Variants in SLC9A9 observed in about 807,000 individuals in gnomAD.
The protein encoded by SLC9A9 is sodium/hydrogen exchanger 9.
In SLC9A9, 62 loss-of-function variants were observed where a neutral mutation model predicts 77.8. The observed-to-expected ratio is 0.80, with a 90% CI of 0.65 to 0.98. The LOEUF (loss-of-function observed/expected upper bound fraction) is 0.98. Among genes scored for constraint, SLC9A9 ranks in the 50% least tolerant of loss-of-function variants. The pLI, the probability that SLC9A9 is intolerant of heterozygous loss-of-function variation, is 0.00. For missense variants in SLC9A9, 775 were observed against 774.9 expected, an observed-to-expected ratio of 1.00 and a Z score of 0.00; for synonymous variants, 320 against 283.5, an observed-to-expected ratio of 1.13 and a Z score of -1.29.
chr3:143,445,925 C>G (rs1576501554), intron 12 of SLC9A9, among the ~76,000 whole-genome samples: 1 of 152,032 alleles, frequency 6.6e-6, no homozygotes, highest in Non-Finnish European at 1.5e-5. Context: ...CTAACAAGAA[C>G]AGCTTTGGTA....
At chr3:143,293,382 C>A (rs538276899) in intron 14 of SLC9A9, among the ~76,000 whole-genome samples, 1 of 152,136 alleles carries the variant, frequency 6.6e-6, no homozygotes, top group Non-Finnish European at 1.5e-5. Flanking sequence ...ATATTGTGTA[C>A]ATAAAGTTAG....
intron 5 of SLC9A9, among the ~76,000 whole-genome samples, chr3:143,665,596 TA>T (rs1471764477): frequency 6.6e-6 from 1 of 151,430 alleles, no homozygotes; most frequent in Non-Finnish European, 1.5e-5. Flanking sequence ...GCAAGACTAA[TA>T]AAGAAGAAAA....
At chr3:143,606,250 C>G (rs2037919565) in intron 6 of SLC9A9, among the ~76,000 whole-genome samples, 2 of 151,696 alleles carry the variant, frequency 1.3e-5, no homozygotes, top group Non-Finnish European at 2.9e-5. Flanking sequence ...ACTAAAAATA[C>G]AAAAATTAGC....
intron 12 of SLC9A9, among the ~76,000 whole-genome samples, chr3:143,429,112 G>C (rs1378932974): frequency 6.6e-6 from 1 of 152,172 alleles, no homozygotes; most frequent in South Asian, 2.1e-4. Flanking sequence ...ATTTGATCAC[G>C]ATACTATGTA....
chr3:143,516,356 T>G (rs1225021192), intron 9 of SLC9A9, among the ~76,000 whole-genome samples: 1 of 152,172 alleles, frequency 6.6e-6, no homozygotes, highest in Admixed American at 6.5e-5. Flanking sequence ...ATTTCAGCTT[T>G]TATCTTTATT....
intron 14 of SLC9A9, among the ~76,000 whole-genome samples, chr3:143,315,490 T>C (rs2031181181): frequency 6.6e-6 from 1 of 152,210 alleles, no homozygotes; most frequent in East Asian, 1.9e-4. Flanking sequence ...GGCCTACTTA[T>C]TTTTCCACTT....
chr3:143,374,177 G>A (rs1468003801), intron 13 of SLC9A9, among the ~76,000 whole-genome samples: 5 of 152,190 alleles, frequency 3.3e-5, no homozygotes, highest in African/African-American at 9.6e-5. Context: ...TCTAATCCCA[G>A]CACTTTGGGA....
intron 9 of SLC9A9, among the ~76,000 whole-genome samples, chr3:143,540,139 T>C (rs944501727): frequency 4.6e-5 from 7 of 152,216 alleles, no homozygotes; most frequent in Non-Finnish European, 1.0e-4. Flanking sequence ...ACATTGCCTA[T>C]TGGGTAGAGA....
At chr3:143,510,779 C>A (rs763218479) in intron 9 of SLC9A9, among the ~76,000 whole-genome samples, 2 of 152,046 alleles carry the variant, frequency 1.3e-5, no homozygotes, top group African/African-American at 4.8e-5. Context: ...GCTGTTTTGG[C>A]CTGTGAGTCA....
At chr3:143,391,384 G>A (rs970908468) in intron 12 of SLC9A9, among the ~76,000 whole-genome samples, 1 of 152,256 alleles carries the variant, frequency 6.6e-6, no homozygotes, top group Admixed American at 6.5e-5. Flanking sequence ...ACCTGCAGCT[G>A]AGGGTCCTGA....
chr3:143,740,145 A>G (rs1935041558), intron 4 of SLC9A9, among the ~76,000 whole-genome samples: 1 of 152,204 alleles, frequency 6.6e-6, no homozygotes, highest in Admixed American at 6.5e-5. Context: ...CTTGGTGAGA[A>G]GTAGCAAAGT....
intron 9 of SLC9A9, chr3:143,503,881 G>T (rs1055437117): frequency 2.7e-6 from 1 of 365,524 alleles, no homozygotes; most frequent in Non-Finnish European, 5.3e-6. Context: ...CATCCATCAT[G>T]AACATGGGGG....
At chr3:143,290,199 G>C (rs115797508) in intron 14 of SLC9A9, among the ~76,000 whole-genome samples, 2 of 152,134 alleles carry the variant, frequency 1.3e-5, no homozygotes, top group Non-Finnish European at 2.9e-5. Context: ...GGGGGCACCT[G>C]TACATACTGT....
At chr3:143,517,899 T>A in intron 9 of SLC9A9, 1 of 1,532,514 alleles carries the variant, frequency 6.5e-7, no homozygotes, top group Non-Finnish European at 9.0e-7. Flanking sequence ...GCCTGATCCA[T>A]CATCTCCTCC....
At chr3:143,575,257 CA>C in intron 7 of SLC9A9, among the ~76,000 whole-genome samples, 1 of 152,140 alleles carries the variant, frequency 6.6e-6, no homozygotes, top group Non-Finnish European at 1.5e-5. Flanking sequence ...TTAGAAAGCA[CA>C]AAGGCAGAAT....
At chr3:143,639,322 T>C (rs1217392201) in intron 6 of SLC9A9, among the ~76,000 whole-genome samples, 1 of 152,212 alleles carries the variant, frequency 6.6e-6, no homozygotes, top group Non-Finnish European at 1.5e-5. Context: ...AAGTCAAGAT[T>C]GGTTCTTCTC....
At chr3:143,839,523 CACACAT>C (rs1457803086) in intron 1 of SLC9A9, among the ~76,000 whole-genome samples, 3 of 111,102 alleles carry the variant, frequency 2.7e-5, no homozygotes, top group African/African-American at 6.1e-5. Flanking sequence ...CACACACACA[CACACAT>C]CACAAGCGCA....
intron 2 of SLC9A9, among the ~76,000 whole-genome samples, chr3:143,803,268 G>A (rs2008617490): frequency 6.6e-6 from 1 of 152,170 alleles, no homozygotes; most frequent in Non-Finnish European, 1.5e-5. Flanking sequence ...TTGCATTTCT[G>A]AAGAACAGTA....
At chr3:143,757,885 G>A (rs572801265) in intron 4 of SLC9A9, among the ~76,000 whole-genome samples, 2 of 152,244 alleles carry the variant, frequency 1.3e-5, no homozygotes, top group African/African-American at 4.8e-5. Context: ...ATAAGGAGGA[G>A]AAGGAAAGAT....
Sources: gnomAD v4.1 joint callset for allele counts (sites outside exome capture counted in the v4.1 genomes callset) on GRCh38, gnomAD v4.1.1 for gene constraint, MANE v1.5 for transcripts, NCBI Gene and HGNC (gene_info 2026-07-23, HGNC 2026-07-21) for gene names.